LRRC4B: variants seen among roughly 807,000 people sequenced by gnomAD.
LRRC4B encodes leucine rich repeat containing 4B, also known as leucine-rich repeat-containing protein 4B.
A neutral mutation model predicts 7.3 loss-of-function variants in LRRC4B; 1 was observed. The observed-to-expected ratio is 0.14, with a 90% CI of 0.05 to 0.65. The LOEUF is 0.65. Ranked by LOEUF, LRRC4B falls within the 30% of genes least tolerant of loss-of-function variation. The pLI, the probability that LRRC4B is intolerant of heterozygous loss-of-function variation, is 0.84. For missense variants in LRRC4B, 730 were observed against 1,041.6 expected (o/e 0.70, Z 4.12); for synonymous variants, 500 against 499.2 (o/e 1.00, Z -0.02).
intron 1 of LRRC4B, among the ~76,000 whole-genome samples, chr19:50,565,219 C>T (rs923077642): frequency 2.6e-5 from 4 of 152,198 alleles, no homozygotes; most frequent in African/African-American, 7.2e-5. Flanking sequence ...ACTGTCTTAG[C>T]GGCACCTGGG....
At chr19:50,528,966 GC>G (rs1270644322) in intron 2 of LRRC4B, among the ~76,000 whole-genome samples, 1 of 152,176 alleles carries the variant, frequency 6.6e-6, no homozygotes, top group East Asian at 1.9e-4. Flanking sequence ...GAGGCTGGGG[GC>G]TGTGGGCATC....
intron 2 of LRRC4B, among the ~76,000 whole-genome samples, chr19:50,531,573 T>C (rs1476688882): frequency 6.6e-6 from 1 of 152,208 alleles, no homozygotes; most frequent in African/African-American, 2.4e-5. Flanking sequence ...GGAAGCCTGG[T>C]TTTGTTGAAA....
rs1339759383 is a variant in LRRC4B at position 50,568,331 on chromosome 19, C to A, written c.-423G>T. ...GGGCCCGCCGGCGCCGCTCTCCCCC[C>A]ACCCCACCCCCCCCCAGGCCCCGGC... On this transcript the variant is annotated 5_prime_UTR_variant, in exon 1 of 3. Transcript: ENST00000652263. Among the ~76,000 whole-genome samples the A allele has an allele frequency of 6.8e-6, 1 of 146,086 alleles. No homozygotes were observed. Among genetic ancestry groups the A allele is most frequent in the African/African-American group, 2.5e-5 (1 of 39,876 alleles).
intron 2 of LRRC4B, among the ~76,000 whole-genome samples, chr19:50,528,169 A>T (rs1321217366): frequency 6.6e-6 from 1 of 152,024 alleles, no homozygotes; most frequent in African/African-American, 2.4e-5. Flanking sequence ...CAGCCTCCCA[A>T]GTAGCTGGGA....
intron 2 of LRRC4B, among the ~76,000 whole-genome samples, chr19:50,530,233 C>T (rs1453668085): frequency 6.6e-6 from 1 of 152,188 alleles, no homozygotes; most frequent in Admixed American, 6.5e-5. Flanking sequence ...GCTGACCCTG[C>T]CTCTGCCCTC....
intron 1 of LRRC4B, among the ~76,000 whole-genome samples, chr19:50,552,578 GTCCATCCATCTGTCCATCCATCCA>G (rs1982113110): frequency 7.0e-6 from 1 of 143,488 alleles, no homozygotes; most frequent in Admixed American, 6.9e-5. Flanking sequence ...CCACCCATCC[GTCCATCCATCTGTCCATCCATCCA>G]TCCATCCATC....
At position 50,548,584 on chromosome 19, in the gene LRRC4B, C is replaced by T. The variant is rs753489733; in HGVS notation, c.255G>A (p.Pro85=). The change falls in exon 2 of 3, where the codon CCG becomes CCA. Residue 85 remains proline (P), a synonymous_variant. Coordinates refer to ENST00000652263, the MANE Select transcript of LRRC4B (RefSeq NM_001080457.2). The surrounding 1 kb of genome is among the most constrained non-coding windows in gnomAD (Gnocchi z 6.8). ...GCAGGTTCAGGTACCGCGTGTTGACCGGGATGCTGGCTGGGACCTCGGCCA... is the reference window on the plus strand; with the variant it reads ...GCAGGTTCAGGTACCGCGTGTTGACTGGGATGCTGGCTGGGACCTCGGCCA... The part of the protein sequence containing the change: ...RDLAEVPASI[P]VNTRYLNLQE... 18 of 1,602,900 alleles carry T rather than the reference C, an allele frequency of 1.1e-5. No individual in the cohort carries two copies. Among genetic ancestry groups the T allele is most frequent in the African/African-American group, 4.0e-5 (3 of 74,872 alleles).
intron 2 of LRRC4B, among the ~76,000 whole-genome samples, chr19:50,522,459 A>ATTTATTATTTATTTATTTATTTAT (rs1491583815): frequency 4.1e-5 from 6 of 147,094 alleles, no homozygotes; most frequent in African/African-American, 1.5e-4. Flanking sequence ...TATTTTATTT[A>ATTTATTATTTATTTATTTATTTAT]TTATTTATTT....
chr19:50,552,094 G>T (rs1054983100), intron 1 of LRRC4B, among the ~76,000 whole-genome samples: 11 of 152,130 alleles, frequency 7.2e-5, no homozygotes, highest in Non-Finnish European at 1.3e-4. Flanking sequence ...AGAAAGGGGG[G>T]TGGTTGGGCC....
At position 50,517,545 on chromosome 19, in the gene LRRC4B, C is replaced by T. The variant is rs1601365357; in HGVS notation, c.*26G>A. 1 of 1,411,110 alleles carries T rather than the reference C, an allele frequency of 7.1e-7. No homozygotes were observed. The highest frequency in any genetic ancestry group is 1.6e-5 in the South Asian group (1 of 60,932). The allele number at this position is 1,411,110 out of a possible 1,614,324, so 87.4% of individuals were successfully genotyped here. ...TGGGACCTGGGTGGGGGGCTCCACGCCCCTCGCCCGCCCGGCCCCGCCGCC... is the reference window on the plus strand; with the variant it reads ...TGGGACCTGGGTGGGGGGCTCCACGTCCCTCGCCCGCCCGGCCCCGCCGCC... On this transcript the variant is annotated 3_prime_UTR_variant, in exon 3 of 3. Coordinates refer to ENST00000652263, the MANE Select transcript of LRRC4B (RefSeq NM_001080457.2). The surrounding 1 kb of genome is among the most constrained non-coding windows in gnomAD (Gnocchi z 6.6).
chr19:50,552,519 A>ACGTT (rs1982108977), intron 1 of LRRC4B, among the ~76,000 whole-genome samples: 1 of 151,758 alleles, frequency 6.6e-6, no homozygotes, highest in South Asian at 2.1e-4. Flanking sequence ...CAGGGCAGCC[A>ACGTT]CGTTCATTCA....
intron 1 of LRRC4B, among the ~76,000 whole-genome samples, chr19:50,551,947 G>A (rs899839484): frequency 1.4e-5 from 2 of 144,924 alleles, no homozygotes; most frequent in African/African-American, 2.5e-5. Context: ...TCCCTGCGCC[G>A]CCTGGGGGAG....
intron 1 of LRRC4B, among the ~76,000 whole-genome samples, chr19:50,557,331 A>G (rs932624038): frequency 2.6e-5 from 4 of 152,240 alleles, no homozygotes; most frequent in Middle Eastern, 6.8e-3. Context: ...CCCAGCCCCA[A>G]TCTCCACTCA....
chr19:50,556,702 G>A lies in LRRC4B; in HGVS notation c.-35-7829C>T, dbSNP rs1185927247. Among the ~76,000 whole-genome samples the A allele has an allele frequency of 2.0e-5, 3 of 152,168 alleles. No homozygotes were observed. Among genetic ancestry groups the A allele is most frequent in the Non-Finnish European group, 4.4e-5 (3 of 68,016 alleles). On this transcript the variant is annotated intron_variant, in intron 1 of 2. Coordinates refer to ENST00000652263, the MANE Select transcript of LRRC4B (RefSeq NM_001080457.2). The surrounding 1 kb of genome is among the most constrained non-coding windows in gnomAD (Gnocchi z 4.2). Reference sequence around the variant, plus strand: ...GGCTGCATCCTCAAGGCCGGCCAACGGCGCTGGCCCCTCCGAGCCTCAGTA... The same window carrying A: ...GGCTGCATCCTCAAGGCCGGCCAACAGCGCTGGCCCCTCCGAGCCTCAGTA...
At chr19:50,541,228 A>G (rs1394133753) in intron 2 of LRRC4B, among the ~76,000 whole-genome samples, 3 of 136,972 alleles carry the variant, frequency 2.2e-5, no homozygotes, top group African/African-American at 8.4e-5. Context: ...AGCCGCTCAC[A>G]GTGGGGTGTG....
intron 2 of LRRC4B, among the ~76,000 whole-genome samples, chr19:50,527,598 T>C (rs990531282): frequency 1.3e-5 from 2 of 152,104 alleles, no homozygotes; most frequent in East Asian, 1.9e-4. Flanking sequence ...AAAGACATGA[T>C]ATGAACGGCC....
chr19:50,558,341 C>A lies in LRRC4B; in HGVS notation c.-35-9468G>T, dbSNP rs553636983. Among the ~76,000 whole-genome samples the A allele has an allele frequency of 9.9e-5, 15 of 152,284 alleles. No homozygotes were observed. The South Asian group carries it at 2.9e-3, about 29-fold the overall frequency. ...CACCTCCCAGGCCCAGGTGATCCTCCCACCTCAGCCTCCTGAGTAGCCGAC... is the reference window on the plus strand; with the variant it reads ...CACCTCCCAGGCCCAGGTGATCCTCACACCTCAGCCTCCTGAGTAGCCGAC... On this transcript the variant is annotated intron_variant, in intron 1 of 2. Coordinates refer to ENST00000652263, the MANE Select transcript of LRRC4B (RefSeq NM_001080457.2).
Position 50,517,955 on chromosome 19 carries a change from C to A in LRRC4B, c.1758G>T (p.Thr586=). 6.4e-7 allele frequency: 1 copy of A among 1,552,126 alleles called. No homozygotes were observed. The change falls in exon 3 of 3, where the codon ACG becomes ACT. Residue 586 remains threonine (T), a synonymous_variant. Transcript: ENST00000652263. This position sits in a 1 kb window ranked among gnomAD's most constrained non-coding sequence, Gnocchi z 6.6. ...KIIIGCFVAI[T]FMAAVMLVAF... ...CCACGAGCATCACCGCGGCCATGAACGTGATGGCCACGAAGCAGCCGATGA... is the reference window on the plus strand; with the variant it reads ...CCACGAGCATCACCGCGGCCATGAAAGTGATGGCCACGAAGCAGCCGATGA...
chr19:50,517,743 C>T lies in LRRC4B; in HGVS notation c.1970G>A (p.Arg657Gln), dbSNP rs202218788. Residue 657 changes from arginine to glutamine, a missense_variant, in exon 3 of 3, where the codon CGA becomes CAA. Transcript: ENST00000652263. The surrounding 1 kb of genome is among the most constrained non-coding windows in gnomAD (Gnocchi z 6.6). ...GTAGTGGTGGTGGTTGAGGTGGTCT[C>T]GCTCCAGGGCGGGCAGGGCCAGGTG... ...DSHLALPALERDHLNHHHYVA... is the reference protein window; with the variant it reads ...DSHLALPALEQDHLNHHHYVA... The T allele has an allele frequency of 2.0e-6, 3 of 1,532,762 alleles. No homozygotes were observed. The highest frequency in any genetic ancestry group is 1.4e-5 in the African/African-American group (1 of 70,710). The allele number at this position is 1,532,762 out of a possible 1,614,324, so 94.9% of individuals were successfully genotyped here. A position where few individuals can be genotyped will look rare whatever the true frequency, so the allele number is the denominator to read the frequency against.
Sources: allele counts gnomAD v4.1 joint callset (sites outside exome capture counted in the v4.1 genomes callset), GRCh38; gene constraint gnomAD v4.1.1; non-coding constraint Gnocchi (gnomAD v3.1); transcripts MANE v1.5; gene names NCBI Gene and HGNC (gene_info 2026-07-23, HGNC 2026-07-21).